MED16: variants seen among roughly 807,000 people sequenced by gnomAD.
MED16 encodes mediator complex subunit 16.
MED16 carries 81 observed loss-of-function variants against 84.4 expected under a neutral mutation model. The observed-to-expected ratio is 0.96, with a 90% CI of 0.80 to 1.15. MED16 has a LOEUF of 1.15. Ranked by LOEUF, MED16 falls within the 50% of genes most tolerant of loss-of-function variation. MED16 has a pLI of 0.00. For synonymous variants in MED16, 897 were observed against 552.2 expected (o/e 1.62, Z -8.76); for missense variants, 1,585 against 1,245.9 (o/e 1.27, Z -4.10).
At chr19:872,178 A>T in intron 11 of MED16, 60 bp from the exon 12 acceptor site, 1 of 1,484,682 alleles carries the variant, frequency 6.7e-7, no homozygotes, top group Non-Finnish European at 9.2e-7. Context: ...GATGGGATGA[A>T]GTGTCTTGGG....
At chr19:884,290 C>T (rs968758342) in intron 6 of MED16, among the ~76,000 whole-genome samples, 3 of 152,192 alleles carry the variant, frequency 2.0e-5, no homozygotes, top group African/African-American at 7.2e-5. Context: ...GGCGGGCGTC[C>T]CTGCTTCGCT....
Position 891,166 on chromosome 19 carries a change from T to G in MED16, c.-18-17A>C, listed in dbSNP as rs1599348112. On this transcript the variant is annotated splice_polypyrimidine_tract_variant and intron_variant, in intron 1 of 15. Coordinates refer to ENST00000325464, the MANE Select transcript of MED16 (RefSeq NM_005481.3). ...CACCAGCTCCTGCGGGAGGGAGGTG[T>G]GGTGGGACGTCTATGTTGGCTGAGC... The G allele has an allele frequency of 6.3e-7, 1 of 1,591,796 alleles. No homozygotes were observed. Among genetic ancestry groups the G allele is most frequent in the South Asian group, 1.1e-5 (1 of 87,918 alleles).
chr19:874,624 T>C (rs2036185356), intron 10 of MED16, among the ~76,000 whole-genome samples: 3 of 152,252 alleles, frequency 2.0e-5, no homozygotes, highest in East Asian at 3.9e-4. Context: ...TGGGAGCGTC[T>C]CAGCCCCCAG....
rs146234209 is a variant in MED16, at chr19:868,173, G to A, written c.2562C>T (p.Gly854=). The A allele has an allele frequency of 1.6e-5, 26 of 1,610,712 alleles. No homozygotes were observed. The African/African-American group carries it at 2.7e-4, about 17-fold the overall frequency. The change falls in exon 16 of 16, where the codon GGC becomes GGT. Residue 854 remains glycine (G), a synonymous_variant. Transcript: ENST00000325464. ...SEEAPAFVQL[G]PQSTHHSPRT... is the part of the protein sequence containing the mutation. ...TGGGAGAGTGGTGTGTGGACTGCGG[G>A]CCCAGCTGGACAAAGGCAGGGGCTT... is the stretch of plus-strand genomic sequence containing the variant.
At chr19:871,356 G>A in intron 12 of MED16, 103 bp from the exon 13 acceptor site, 2 of 1,370,002 alleles carry the variant, frequency 1.5e-6, no homozygotes, top group Non-Finnish European at 2.0e-6. Context: ...ACCAGGTCAG[G>A]GCCCCAGCTC....
At chr19:885,589 G>A (rs1028269767) in intron 5 of MED16, among the ~76,000 whole-genome samples, 181 bp downstream of exon 5, 1 of 152,148 alleles carries the variant, frequency 6.6e-6, no homozygotes, top group Non-Finnish European at 1.5e-5. Context: ...GGGATTGGGC[G>A]CCTCCAGATG....
In MED16 at chr19:873,588, A is replaced by C. The variant is rs774869125; in HGVS notation, c.1772-6T>G. On this transcript the variant is annotated splice_polypyrimidine_tract_variant and splice_region_variant and intron_variant, in intron 10 of 15. Transcript: ENST00000325464. ...GATCATGACCTTGTCAATGTCTACA[A>C]GGAGACGTGGGTCGGGTCAGCTCGG... The C allele has an allele frequency of 1.2e-6, 2 of 1,611,958 alleles. No individual in the cohort carries two copies. Among genetic ancestry groups the C allele is most frequent in the African/African-American group, 1.3e-5 (1 of 74,862 alleles).
chr19:885,573 A>G (rs919582891), intron 5 of MED16, among the ~76,000 whole-genome samples, 197 bp downstream of exon 5: 8 of 152,196 alleles, frequency 5.3e-5, no homozygotes, highest in African/African-American at 1.4e-4. Context: ...AGGCGCCCCG[A>G]ACCGAGGGAT....
chr19:871,282 C>T, intron 12 of MED16, 29 bp from the exon 13 acceptor site: 1 of 1,519,282 alleles, frequency 6.6e-7, no homozygotes. Flanking sequence ...GAAGTCTCAG[C>T]ACCCCTGACT....
intron 13 of MED16, among the ~76,000 whole-genome samples, chr19:870,760 A>G (rs1444028423): frequency 3.7e-5 from 5 of 136,386 alleles, no homozygotes; most frequent in Non-Finnish European, 7.8e-5. Flanking sequence ...GGGGCAGGAC[A>G]TGGAGGGAGG....
Position 868,104 on chromosome 19 carries a change from C to T in MED16, c.2631G>A (p.Pro877=), listed in dbSNP as rs770336881. 1.9e-5 allele frequency: 31 copies of T among 1,606,708 alleles called. No individual in the cohort carries two copies. In the African/African-American group the frequency reaches 3.1e-4, roughly 16 times the overall value. ...SLDHLHPEDR[P] ...GGTCCGCCTGGACCCCCGGCCGTCA[C>T]GGACGGTCCTCTGGATGCAGATGGT... Residue 877 remains proline, a synonymous_variant, in exon 16 of 16, where the codon CCG becomes CCA. Coordinates refer to ENST00000325464, the MANE Select transcript of MED16 (RefSeq NM_005481.3).
intron 10 of MED16, 144 bp from the exon 11 acceptor site, chr19:873,726 C>A: frequency 2.0e-6 from 2 of 994,042 alleles, no homozygotes; most frequent in East Asian, 2.6e-5. Context: ...GAGAAGGGGG[C>A]GATGGCGTTG....
Position 890,855 on chromosome 19 carries a change from G to A in MED16, c.169+108C>T, listed in dbSNP as rs557691385. 6.6e-6 allele frequency: 8 copies of A among 1,217,166 alleles called. No individual in the cohort carries two copies. The East Asian group carries it at 1.0e-4, about 16-fold the overall frequency. The allele number at this position is 1,217,166 out of a possible 1,614,324, so 75.4% of individuals were successfully genotyped here. A position where few individuals can be genotyped will look rare whatever the true frequency, so the allele number is the denominator to read the frequency against. ...TACAGAGGAGGGCCAGGGTGAGTGA[G>A]AGGTGGCCTGAGAGACCGAGTCCCT... On this transcript the variant is annotated intron_variant, in intron 2 of 15. Transcript: ENST00000325464.
intron 4 of MED16, among the ~76,000 whole-genome samples, chr19:887,905 G>A (rs2036557486): frequency 6.6e-6 from 1 of 151,592 alleles, no homozygotes; most frequent in Non-Finnish European, 1.5e-5. Flanking sequence ...CTTTTCGGGT[G>A]ATGAGAAGGG....
rs781536370 is a variant in MED16, at chr19:889,811, A to C, written c.278-4T>G. 3.7e-6 allele frequency: 6 copies of C among 1,607,878 alleles called. No individual in the cohort carries two copies. Among genetic ancestry groups the C allele is most frequent in the Non-Finnish European group, 5.1e-6 (6 of 1,177,992 alleles). ...TCTGCTGACAGGAGCCGGGAGCCTG[A>C]GGGCAAGAAGCCATCATTGCGAACC... On this transcript the variant is annotated splice_polypyrimidine_tract_variant and splice_region_variant and intron_variant, in intron 3 of 15. Transcript: ENST00000325464.
In MED16 at chr19:890,440, C is replaced by T. The variant is rs183937872; in HGVS notation, c.170-196G>A. On this transcript the variant is annotated intron_variant, in intron 2 of 15. Coordinates refer to ENST00000325464, the MANE Select transcript of MED16 (RefSeq NM_005481.3). The stretch of plus-strand genomic sequence containing the variant: ...AGAGCAGGCCTGTGAGGCGCCACAA[C>T]TGTGTCTTTAAAACCAGATTAGAAG... 37 of 480,204 alleles carry T rather than the reference C, an allele frequency of 7.7e-5. No homozygotes were observed. In the East Asian group the frequency reaches 1.2e-3, roughly 15 times the overall value. 29.7% of individuals were successfully genotyped at this position (480,204 alleles called of 1,614,324 possible).
Position 879,945 on chromosome 19 carries a change from G to C in MED16, c.1345C>G (p.His449Asp), listed in dbSNP as rs149949825. Reference sequence around the variant, plus strand: ...GTGCCCCAGCAGCTCACCTTCCCGTGGCTGTCAATCCCCACCAGGGCCAGT... The same window carrying C: ...GTGCCCCAGCAGCTCACCTTCCCGTCGCTGTCAATCCCCACCAGGGCCAGT... ...TSLALVGIDSHGKLSVLRLSP... is the reference protein window; with the variant it reads ...TSLALVGIDSDGKLSVLRLSP... Residue 449 changes from histidine (H) to aspartate (D), a missense_variant, in exon 8 of 16, where the codon CAC (histidine) becomes GAC (aspartate). By Grantham distance (81) the His-to-Asp change is moderately conservative (BLOSUM62 -1). Coordinates refer to ENST00000325464, the MANE Select transcript of MED16 (RefSeq NM_005481.3). 1 of 1,602,870 alleles carries C rather than the reference G, an allele frequency of 6.2e-7. No homozygotes were observed. The highest frequency in any genetic ancestry group is 2.2e-5 in the East Asian group (1 of 44,668).
intron 8 of MED16, among the ~76,000 whole-genome samples, chr19:879,348 C>T (rs1599331632): frequency 6.8e-6 from 1 of 147,808 alleles, no homozygotes; most frequent in Non-Finnish European, 1.5e-5. Flanking sequence ...AGCTCACCTT[C>T]CCCTGGTTGT....
chr19:880,590 C>A (rs1432142971), intron 7 of MED16, among the ~76,000 whole-genome samples: 2 of 152,130 alleles, frequency 1.3e-5, no homozygotes, highest in Non-Finnish European at 2.9e-5. Flanking sequence ...GCCCAAAGCT[C>A]ATGGAAAAGA....
Sources: allele counts gnomAD v4.1 joint callset (sites outside exome capture counted in the v4.1 genomes callset), GRCh38; gene constraint gnomAD v4.1.1; transcripts MANE v1.5; gene names NCBI Gene and HGNC (gene_info 2026-07-23, HGNC 2026-07-21).